The following NOC2L variants were observed in gnomAD, a reference collection of about 807,000 sequenced individuals.
NOC2L encodes nucleolar complex protein 2 homolog.
NOC2L carries 101 observed loss-of-function variants against 94.2 expected under a neutral mutation model. The ratio of observed to expected loss-of-function variants is 1.07; its 90% CI spans 0.91 to 1.26. The LOEUF is 1.26. Ranked by LOEUF, NOC2L falls within the 50% of genes most tolerant of loss-of-function variation. The pLI, the probability that NOC2L is intolerant of heterozygous loss-of-function variation, is 0.00. For missense variants in NOC2L, 1,076 were observed against 980.1 expected (o/e 1.10, Z -1.31); for synonymous variants, 531 against 413.4 (o/e 1.28, Z -3.45).
chr1:953,667 G>A, intron 8 of NOC2L, 115 bp downstream of exon 8: 2 of 782,384 alleles, frequency 2.6e-6, no homozygotes, highest in Non-Finnish European at 4.2e-6. Flanking sequence ...TAGCCAAGCG[G>A]AGCCAGTGGA....
intron 14 of NOC2L, among the ~76,000 whole-genome samples, chr1:947,361 T>C (rs1289325404): frequency 6.6e-6 from 1 of 152,094 alleles, no homozygotes; most frequent in East Asian, 1.9e-4. Context: ...GCATGTGACA[T>C]GTGTGGCCGT....
At position 953,769 on chromosome 1, in the gene NOC2L, C is replaced by T; in HGVS notation, c.888+13G>A. ...CCCCATGACAGACACAGGGAGGGGA[C>T]TGGGCCACGAACCTTGAGCAGCATG... On this transcript the variant is annotated intron_variant, in intron 8 of 18. Coordinates refer to ENST00000327044, the MANE Select transcript of NOC2L (RefSeq NM_015658.4). 1.9e-6 allele frequency: 3 copies of T among 1,596,054 alleles called. No homozygotes were observed. The highest frequency in any genetic ancestry group is 1.1e-5 in the South Asian group (1 of 90,742).
chr1:947,775 C>G (rs937056285), intron 14 of NOC2L, among the ~76,000 whole-genome samples: 1 of 152,232 alleles, frequency 6.6e-6, no homozygotes, highest in Non-Finnish European at 1.5e-5. Context: ...ACCCACTCCC[C>G]ACACCCGGGA....
intron 10 of NOC2L, 79 bp downstream of exon 10, chr1:952,333 C>G (rs1642282310): frequency 6.5e-7 from 1 of 1,548,434 alleles, no homozygotes; most frequent in Admixed American, 1.8e-5. Context: ...CGGGGAGGCC[C>G]CAGGCCCTGC....
intron 8 of NOC2L, 46 bp from the exon 9 acceptor site, chr1:953,334 A>G: frequency 8.4e-7 from 1 of 1,189,556 alleles, no homozygotes; most frequent in Non-Finnish European, 1.2e-6. Context: ...CCTCCTCAGC[A>G]GGGATGCCCC....
At chr1:956,337 G>T in intron 4 of NOC2L, 122 bp from the exon 5 acceptor site, 1 of 1,136,662 alleles carries the variant, frequency 8.8e-7, no homozygotes, top group Non-Finnish European at 1.3e-6. Context: ...AGAGGTTGGG[G>T]GGAGGCACAG....
rs1229970547 is a variant in NOC2L at position 955,905 on chromosome 1, C to G, written c.698+18G>C. On this transcript the variant is annotated intron_variant, in intron 6 of 18. Coordinates refer to ENST00000327044, the MANE Select transcript of NOC2L (RefSeq NM_015658.4). ...ACCCACCTTCCACCCTACCCCCCTT[C>G]ACCCCCTCCCCTCTTACCTGCTGCT... 1.5e-6 allele frequency: 2 copies of G among 1,374,810 alleles called. No individual in the cohort carries two copies. Among genetic ancestry groups the G allele is most frequent in the Non-Finnish European group, 2.1e-6 (2 of 969,290 alleles). The allele number at this position is 1,374,810 out of a possible 1,614,324, so 85.2% of individuals were successfully genotyped here.
rs1434017993 is a variant in NOC2L at position 945,041 on chromosome 1, C to G, written c.2143+16G>C. ...GGGCTCACAGGGCCACACCCTCTCA[C>G]CCCAAGACCATTCACCCTCCGAGTT... On this transcript the variant is annotated intron_variant, in intron 18 of 18. Transcript: ENST00000327044. The G allele has an allele frequency of 1.2e-6, 2 of 1,614,132 alleles. No individual in the cohort carries two copies. Among genetic ancestry groups the G allele is most frequent in the South Asian group, 2.2e-5 (2 of 91,082 alleles).
chr1:956,791 C>T, intron 4 of NOC2L, 103 bp downstream of exon 4: 1 of 1,536,016 alleles, frequency 6.5e-7, no homozygotes, highest in Non-Finnish European at 8.9e-7. Context: ...CAGATCTCTG[C>T]CTGGGCACCC....
Position 959,051 on chromosome 1 carries a change from G to T in NOC2L, c.57C>A (p.Phe19Leu). Residue 19 changes from phenylalanine (F) to leucine (L), a missense_variant, in exon 2 of 19, where the codon TTC (phenylalanine) becomes TTA (leucine). Phe to Leu is a conservative substitution (Grantham distance 22). Around this residue, in one of 3 missense-constraint regions of NOC2L, gnomAD observed 457 missense variants for 386.0 expected, o/e 1.18. Transcript: ENST00000327044. ...ACTCGGAGTCAAAGCCCGAAGCTAG[G>T]AACTCGTCCACCGTCAGCTCCGCCA... ...RRLAELTVDE[F>L]LASGFDSESE... is the part of the protein sequence containing the mutation. The T allele has an allele frequency of 6.2e-7, 1 of 1,610,860 alleles. No homozygotes were observed. The highest frequency in any genetic ancestry group is 8.5e-7 in the Non-Finnish European group (1 of 1,178,600).
At position 957,182 on chromosome 1, in the gene NOC2L, C is replaced by T. The variant is rs1257495008; in HGVS notation, c.271G>A (p.Asp91Asn). The change falls in exon 3 of 19, where the codon GAC becomes AAC. Residue 91 changes from aspartate (D) to asparagine (N), a missense_variant. Physicochemically the swap from Asp to Asn is conservative, Grantham distance 23 (BLOSUM62 1). Transcript: ENST00000327044. ...TCGCTGAAGTTTAGCAGGCTCTGGT[C>T]ATTCTCCTGCAGGAACTTGTAGAAC... ...PEFYKFLQEN[D>N]QSLLNFSDSD... 4 of 1,614,050 alleles carry T rather than the reference C, an allele frequency of 2.5e-6. No homozygotes were observed. Among genetic ancestry groups the T allele is most frequent in the Admixed American group, 1.7e-5 (1 of 60,030 alleles).
intron 11 of NOC2L, 112 bp from the exon 12 acceptor site, chr1:951,350 G>T: frequency 1.2e-6 from 1 of 819,592 alleles, no homozygotes; most frequent in South Asian, 1.5e-5. Context: ...CCCTAAAGCA[G>T]GACAAGGCAC....
rs113650656 is a variant in NOC2L at position 945,563 on chromosome 1, G to C, written c.2008C>G (p.Leu670Val). The change falls in exon 17 of 19, where the codon CTG becomes GTG. Residue 670 changes from leucine (L) to valine (V), a missense_variant. Physicochemically the swap from Leu to Val is conservative, Grantham distance 32. This residue lies in a region of NOC2L where 615 missense variants were observed against 577.4 expected (regional missense o/e 1.07). Coordinates refer to ENST00000327044, the MANE Select transcript of NOC2L (RefSeq NM_015658.4). ...GTGTCGTCCTCTTCAGAGCTGTTCA[G>C]GTCAAAGAGGTCTTTAAATTGCTTC... ...DRKQFKDLFD[L>V]NSSEEDDTEG... 2 of 1,614,072 alleles carry C rather than the reference G, an allele frequency of 1.2e-6. No homozygotes were observed. Among genetic ancestry groups the C allele is most frequent in the Non-Finnish European group, 1.7e-6 (2 of 1,179,936 alleles).
In NOC2L at chr1:956,717, TC is replaced by T. The variant is rs562174812; in HGVS notation, c.486+176del. On this transcript the variant is annotated intron_variant, in intron 4 of 18. Coordinates refer to ENST00000327044, the MANE Select transcript of NOC2L (RefSeq NM_015658.4). ...CTTGCGCTGAAGAAGGCTCCAAGCGTCCCCTGCGTGGAGAACAGCCCCTCCC... is the reference window on the plus strand; with the variant it reads ...CTTGCGCTGAAGAAGGCTCCAAGCGTCCCTGCGTGGAGAACAGCCCCTCCC... 1.0e-3 allele frequency among the ~76,000 whole-genome samples: 155 copies of T among 152,274 alleles called. 1 individual carries two copies. Among genetic ancestry groups the T allele is most frequent in the African/African-American group, 3.7e-3 (152 of 41,574 alleles).
intron 16 of NOC2L, 114 bp from the exon 17 acceptor site, chr1:945,767 C>A: frequency 4.7e-6 from 6 of 1,270,566 alleles, no homozygotes; most frequent in Non-Finnish European, 6.7e-6. Context: ...AATTTCTAGT[C>A]CCCTCTGTTC....
intron 6 of NOC2L, chr1:954,536 A>G (rs1642346483): frequency 6.2e-6 from 1 of 160,664 alleles, no homozygotes; most frequent in Non-Finnish European, 1.4e-5. Flanking sequence ...GCACAAAGAA[A>G]AGAAAATCAG....
At position 952,540 on chromosome 1, in the gene NOC2L, T is replaced by G. The variant is rs774894562; in HGVS notation, c.1063A>C (p.Ile355Leu). The G allele has an allele frequency of 7.4e-6, 12 of 1,613,872 alleles. No homozygotes were observed. The highest frequency in any genetic ancestry group is 8.5e-6 in the Non-Finnish European group (10 of 1,179,998). ...GTCAAGGTCCACTGCATGAAACTGA[T>G]GAAGGGGAGGGCACCAGGCGAGGTG... ...KFTSPGALPF[I>L]SFMQWTLTEL... The change falls in exon 10 of 19, where the codon ATC becomes CTC. Residue 355 changes from isoleucine (I) to leucine (L), a missense_variant. Ile to Leu is a conservative substitution (Grantham distance 5). Around this residue, in one of 3 missense-constraint regions of NOC2L, gnomAD observed 615 missense variants for 577.4 expected, o/e 1.07. Transcript: ENST00000327044.
rs1569927973 is a variant in NOC2L at position 944,397 on chromosome 1, T to C, written c.*297A>G. On this transcript the variant is annotated 3_prime_UTR_variant, in exon 19 of 19. Coordinates refer to ENST00000327044, the MANE Select transcript of NOC2L (RefSeq NM_015658.4). The stretch of plus-strand genomic sequence containing the variant: ...GAGGTGGTGGAAGGGGCCAGGGGCC[T>C]GCAGGCCTCCCCCTGGAACTGGGAC... 1 of 1,243,076 alleles carries C rather than the reference T, an allele frequency of 8.0e-7. No homozygotes were observed. The highest frequency in any genetic ancestry group is 1.0e-6 in the Non-Finnish European group (1 of 958,018). The allele number at this position is 1,243,076 out of a possible 1,614,324, so 77.0% of individuals were successfully genotyped here. A position where few individuals can be genotyped will look rare whatever the true frequency, so the allele number is the denominator to read the frequency against.
chr1:956,247 G>A, intron 4 of NOC2L, 32 bp from the exon 5 acceptor site: 1 of 1,609,164 alleles, frequency 6.2e-7, no homozygotes, highest in Non-Finnish European at 8.5e-7. Context: ...GGGCGTCAGG[G>A]GAGCTGAGAC....
Sources: allele counts gnomAD v4.1 joint callset (sites outside exome capture counted in the v4.1 genomes callset), GRCh38; gene constraint gnomAD v4.1.1; regional missense constraint gnomAD v4.1.1; transcripts MANE v1.5; gene names NCBI Gene and HGNC (gene_info 2026-07-23, HGNC 2026-07-21).